HTR2C: variants seen among roughly 807,000 people sequenced by gnomAD.
The protein encoded by HTR2C is 5-hydroxytryptamine (serotonin) receptor 2C, G protein-coupled.
In HTR2C, 5 loss-of-function variants were observed where a neutral mutation model predicts 21.0. That is an observed-to-expected ratio of 0.24 (90% CI 0.12 to 0.50). HTR2C has a LOEUF of 0.50. HTR2C is among the 20% of genes least tolerant of loss of function. The pLI is 0.98. For missense variants in HTR2C, 271 were observed against 371.2 expected (o/e 0.73, Z 2.22); for synonymous variants, 150 against 145.3 (o/e 1.03, Z -0.23).
At chrX:114,706,689 A>G (rs1356154994) in intron 2 of HTR2C, among the ~76,000 whole-genome samples, 2 of 108,398 alleles carry the variant, frequency 1.8e-5, no homozygotes, top group Non-Finnish European at 3.8e-5. Context: ...GTACACATGT[A>G]CCCTAAAACT....
chrX:114,839,017 G>A (rs2070811224), intron 4 of HTR2C, among the ~76,000 whole-genome samples: 1 of 112,114 alleles, frequency 8.9e-6, no homozygotes, highest in African/African-American at 3.2e-5. Context: ...AACTTCCATG[G>A]TGGATACAAT....
chrX:114,647,053 A>G (rs191689453), intron 2 of HTR2C, among the ~76,000 whole-genome samples: 9 of 111,299 alleles, frequency 8.1e-5, no homozygotes, highest in Non-Finnish European at 1.7e-4. Context: ...AGAGAGTATA[A>G]TGGTGGTTCC....
chrX:114,830,243 T>C (rs1556460197), intron 4 of HTR2C, among the ~76,000 whole-genome samples: 1 of 111,249 alleles, frequency 9.0e-6, no homozygotes, highest in Non-Finnish European at 1.9e-5. Context: ...CAAAGAAATC[T>C]CTCTGTTTTA....
intron 5 of HTR2C, among the ~76,000 whole-genome samples, chrX:114,876,681 A>C (rs896308741): frequency 1.8e-5 from 2 of 110,032 alleles, no homozygotes; most frequent in Non-Finnish European, 3.8e-5. Context: ...ATTTTTCTGA[A>C]TCTATTGAGA....
intron 2 of HTR2C, among the ~76,000 whole-genome samples, chrX:114,634,221 A>G (rs1556404874): frequency 1.8e-5 from 2 of 110,087 alleles, no homozygotes. Context: ...CACCCCATGT[A>G]GAAAGCCATC....
At chrX:114,817,364 G>A (rs1222211806) in intron 4 of HTR2C, among the ~76,000 whole-genome samples, 6 of 111,487 alleles carry the variant, frequency 5.4e-5, no homozygotes, top group African/African-American at 1.6e-4. Context: ...AGTATAAAAT[G>A]TGTTCATAAC....
At chrX:114,604,099 A>G (rs1928276148) in intron 1 of HTR2C, among the ~76,000 whole-genome samples, 2 of 108,256 alleles carry the variant, frequency 1.8e-5, no homozygotes, top group Non-Finnish European at 1.9e-5. Flanking sequence ...TAAGGGGTGC[A>G]TGATCGGTCG....
At chrX:114,883,671 A>C (rs2071199407) in intron 5 of HTR2C, among the ~76,000 whole-genome samples, 1 of 110,389 alleles carries the variant, frequency 9.1e-6, no homozygotes, top group Admixed American at 9.7e-5. Context: ...TTGACCAATA[A>C]GTATATATAT....
intron 4 of HTR2C, among the ~76,000 whole-genome samples, chrX:114,811,168 A>G (rs2070527549): frequency 9.0e-6 from 1 of 111,492 alleles, no homozygotes; most frequent in South Asian, 3.8e-4. Context: ...ATGTCTTGCT[A>G]TCACCTGTCA....
intron 4 of HTR2C, among the ~76,000 whole-genome samples, chrX:114,768,537 A>G (rs929127120): frequency 7.2e-5 from 8 of 111,249 alleles, no homozygotes; most frequent in African/African-American, 2.6e-4. Flanking sequence ...ATAACATAAC[A>G]TAAATATATA....
At chrX:114,711,373 C>T (rs373940586) in intron 2 of HTR2C, among the ~76,000 whole-genome samples, 2 of 111,451 alleles carry the variant, frequency 1.8e-5, no homozygotes, top group African/African-American at 6.5e-5. Flanking sequence ...AAAAGCAGCT[C>T]GCATATCTTT....
chrX:114,765,498 A>G (rs980328307), intron 4 of HTR2C, among the ~76,000 whole-genome samples: 3 of 110,688 alleles, frequency 2.7e-5, no homozygotes, highest in Non-Finnish European at 3.8e-5. Context: ...GCTAATATCC[A>G]TCCTCACATC....
At chrX:114,664,134 G>T (rs1252910504) in intron 2 of HTR2C, among the ~76,000 whole-genome samples, 1 of 111,914 alleles carries the variant, frequency 8.9e-6, no homozygotes, top group African/African-American at 3.3e-5. Flanking sequence ...TTAAGATTCA[G>T]CAGTAAAGCT....
intron 4 of HTR2C, among the ~76,000 whole-genome samples, chrX:114,835,183 C>T (rs1431106496): frequency 2.0e-5 from 2 of 98,123 alleles, no homozygotes; most frequent in Non-Finnish European, 4.1e-5. Context: ...AATTATGTGT[C>T]TTGGAGTTGC....
chrX:114,698,861 T>G lies in HTR2C; in HGVS notation c.-79-27997T>G, dbSNP rs782055408. Among the ~76,000 whole-genome samples the G allele has an allele frequency of 4.5e-5, 5 of 111,909 alleles. No individual in the cohort carries two copies. The East Asian group carries it at 1.4e-3, about 32-fold the overall frequency. ...CGAAAAAAGAGGCTTAGGAATTCAATTGGTACTCACATAGCTTTTTCCATC... is the reference window on the plus strand; with the variant it reads ...CGAAAAAAGAGGCTTAGGAATTCAAGTGGTACTCACATAGCTTTTTCCATC... On this transcript the variant is annotated intron_variant, in intron 2 of 5. Transcript: ENST00000276198.
At position 114,845,773 on chromosome X, in the gene HTR2C, G is replaced by A. The variant is rs1602870721; in HGVS notation, c.350-2230G>A. ...GCCTGTAATCCTCGCACCTTGGGAG[G>A]CCAAGGTGGGAGGATTACTTGAGCC... On this transcript the variant is annotated intron_variant, in intron 4 of 5. Transcript: ENST00000276198. Among the ~76,000 whole-genome samples the A allele has an allele frequency of 3.7e-5, 4 of 109,358 alleles. No individual in the cohort carries two copies. The South Asian group carries it at 1.6e-3, about 44-fold the overall frequency. The allele number at this position is 109,358 out of a possible 115,157, so 95.0% of individuals were successfully genotyped here.
intron 1 of HTR2C, among the ~76,000 whole-genome samples, chrX:114,598,599 T>C (rs1927958107): frequency 9.0e-6 from 1 of 111,361 alleles, no homozygotes; most frequent in Non-Finnish European, 1.9e-5. Context: ...TGGTTTAAGT[T>C]ACAAGTAAGT....
chrX:114,674,176 A>G (rs1322175809), intron 2 of HTR2C, among the ~76,000 whole-genome samples: 2 of 112,281 alleles, frequency 1.8e-5, no homozygotes, highest in African/African-American at 6.5e-5. Flanking sequence ...GCTTCGTGAC[A>G]TATCTTTCCA....
rs782800799 is a variant in HTR2C, at chrX:114,788,342, C to G, written c.349+56735C>G. Among the ~76,000 whole-genome samples the G allele has an allele frequency of 2.7e-5, 3 of 110,808 alleles. No homozygotes were observed. In the South Asian group the frequency reaches 1.2e-3, roughly 43 times the overall value. ...ATGGCGCCTTCTCGACTCACTGCAA[C>G]CTCTGCTTCCCGGGTTCAAGCAATT... On this transcript the variant is annotated intron_variant, in intron 4 of 5. Transcript: ENST00000276198.
Sources: gnomAD v4.1 joint callset for allele counts (sites outside exome capture counted in the v4.1 genomes callset) on GRCh38, gnomAD v4.1.1 for gene constraint, MANE v1.5 for transcripts, NCBI Gene and HGNC (gene_info 2026-07-23, HGNC 2026-07-21) for gene names.